The following CHODL variants were observed in gnomAD, a reference collection of about 807,000 sequenced individuals.
The protein encoded by CHODL is transmembrane protein MT75.
A neutral mutation model predicts 34.5 loss-of-function variants in CHODL; 29 were observed. The observed-to-expected ratio is 0.84, with a 90% CI of 0.63 to 1.15. CHODL has a LOEUF of 1.15. Ranked by LOEUF, CHODL falls within the 50% of genes most tolerant of loss-of-function variation. The pLI is 0.00. For missense variants in CHODL, 332 were observed against 332.5 expected (o/e 1.00, Z 0.01); for synonymous variants, 125 against 116.1 (o/e 1.08, Z -0.49).
chr21:18,248,687 TTATATACATATATATGTATATAA>T lies in CHODL; in HGVS notation c.79+3415_79+3437del, dbSNP rs1467752835. On this transcript the variant is annotated intron_variant, in intron 1 of 5. Coordinates refer to ENST00000299295, the MANE Select transcript of CHODL (RefSeq NM_024944.3). ...TATGTATAATACATATATGTATATA[TTATATACATATATATGTATATAA>T]TATATACATATATATGTATATAATA... Among the ~76,000 whole-genome samples the T allele has an allele frequency of 3.7e-3, 440 of 120,490 alleles. 2 individuals carry two copies. The highest frequency in any genetic ancestry group is 0.01 in the African/African-American group (291 of 27,960). 79.0% of individuals were successfully genotyped at this position (120,490 alleles called of 152,430 possible). A position where few individuals can be genotyped will look rare whatever the true frequency, so the allele number is the denominator to read the frequency against.
chr21:18,031,341 A>G lies in CHODL; in HGVS notation c.-45+3370A>G, dbSNP rs116939748. Among the ~76,000 whole-genome samples the G allele has an allele frequency of 7.3e-4, 111 of 152,196 alleles. 1 individual carries two copies. In the East Asian group the frequency reaches 0.02, roughly 28 times the overall value. ...ACTCTGAAAATACTTTTAATTGTTT[A>G]CTTAGTTAGCTGATTGGAACCTATA... On this transcript the variant is annotated intron_variant, in intron 2 of 6. Coordinates refer to the CHODL transcript ENST00000400127.
chr21:17,967,105 G>A (rs1414253227), intron 1 of CHODL, among the ~76,000 whole-genome samples: 1 of 151,974 alleles, frequency 6.6e-6, no homozygotes, highest in Non-Finnish European at 1.5e-5. Context: ...TGCTAGTCTC[G>A]AACTCTTGAC....
At chr21:17,992,984 A>G (rs1045438297) in intron 1 of CHODL, among the ~76,000 whole-genome samples, 1 of 152,040 alleles carries the variant, frequency 6.6e-6, no homozygotes, top group African/African-American at 2.4e-5. Context: ...AAATCATGTC[A>G]TCTGCAAAGA....
chr21:18,057,720 C>T (rs935744167), intron 2 of CHODL, among the ~76,000 whole-genome samples: 1 of 151,992 alleles, frequency 6.6e-6, no homozygotes, highest in East Asian at 1.9e-4. Flanking sequence ...CCCTGAAAGT[C>T]TGCCGCTGTA....
At chr21:18,031,570 C>G (rs976494971) in intron 2 of CHODL, among the ~76,000 whole-genome samples, 1 of 151,790 alleles carries the variant, frequency 6.6e-6, no homozygotes, top group Non-Finnish European at 1.5e-5. Context: ...ATTACATTTG[C>G]CATTGGAAAG....
intron 1 of CHODL, among the ~76,000 whole-genome samples, chr21:18,027,002 C>T (rs776639389): frequency 2.6e-5 from 4 of 152,002 alleles, no homozygotes; most frequent in African/African-American, 7.2e-5. Context: ...CCAGGCTGGG[C>T]GCAGTGGCTC....
At chr21:17,975,132 C>T (rs1209128419) in intron 1 of CHODL, among the ~76,000 whole-genome samples, 3 of 151,968 alleles carry the variant, frequency 2.0e-5, no homozygotes, top group Non-Finnish European at 4.4e-5. Flanking sequence ...TCAAGACGAG[C>T]CTGGCCAAGA....
At chr21:17,972,712 A>C (rs552417786) in intron 1 of CHODL, among the ~76,000 whole-genome samples, 36 of 152,340 alleles carry the variant, frequency 2.4e-4, no homozygotes, top group African/African-American at 8.7e-4. Context: ...AAATGTCCAT[A>C]CTACCCAAAG....
chr21:18,219,377 GGGGGTAAT>G, intron 2 of CHODL, among the ~76,000 whole-genome samples: 1 of 152,112 alleles, frequency 6.6e-6, no homozygotes, highest in East Asian at 1.9e-4. Flanking sequence ...ACAGCAACAT[GGGGGTAAT>G]TGCCCCCATG....
chr21:18,131,489 T>A (rs772759078), intron 2 of CHODL, among the ~76,000 whole-genome samples: 13 of 152,228 alleles, frequency 8.5e-5, no homozygotes, highest in Admixed American at 3.3e-4. Flanking sequence ...ATGTTGAAAG[T>A]TGACTTTGGG....
At chr21:18,100,004 C>T (rs1217843369) in intron 2 of CHODL, 2 of 151,784 alleles carry the variant, frequency 1.3e-5, no homozygotes, top group Non-Finnish European at 2.9e-5. Flanking sequence ...GAGTACTGTG[C>T]TAGACTGGAT....
intron 1 of CHODL, among the ~76,000 whole-genome samples, chr21:17,953,750 G>A (rs1003822446): frequency 2.6e-5 from 4 of 152,206 alleles, no homozygotes; most frequent in South Asian, 2.1e-4. Context: ...GGTGGCTCAC[G>A]CCTGTAATTC....
intron 2 of CHODL, among the ~76,000 whole-genome samples, chr21:18,182,262 C>T (rs1325559849): frequency 6.6e-6 from 1 of 152,134 alleles, no homozygotes; most frequent in African/African-American, 2.4e-5. Context: ...ATTTGAGGTT[C>T]AGACAATTTA....
chr21:18,156,865 G>C (rs1348663842), intron 2 of CHODL, among the ~76,000 whole-genome samples: 1 of 152,140 alleles, frequency 6.6e-6, no homozygotes, highest in African/African-American at 2.4e-5. Flanking sequence ...AGGGAAGTCT[G>C]GGTCCTAGTG....
chr21:18,159,266 G>A (rs1198209369), intron 2 of CHODL, among the ~76,000 whole-genome samples: 1 of 152,144 alleles, frequency 6.6e-6, no homozygotes, highest in Admixed American at 6.5e-5. Flanking sequence ...CTGGCATAAG[G>A]TAAGAAAACT....
chr21:18,087,300 A>G (rs748589311), intron 2 of CHODL, among the ~76,000 whole-genome samples: 1 of 152,168 alleles, frequency 6.6e-6, no homozygotes, highest in Non-Finnish European at 1.5e-5. Flanking sequence ...TGAGGTACTC[A>G]TAGGAGAGTC....
chr21:18,072,990 A>C lies in CHODL; in HGVS notation c.-45+45019A>C, dbSNP rs1307305367. The stretch of plus-strand genomic sequence containing the variant: ...TTTATATTTTGATACATAAAAGCTA[A>C]GCCTTTGGAAGGCTTCTTATCAATG... On this transcript the variant is annotated intron_variant, in intron 2 of 6. Transcript: ENST00000400127. Among the ~76,000 whole-genome samples the C allele has an allele frequency of 2.0e-5, 3 of 152,280 alleles. No homozygotes were observed. In the East Asian group the frequency reaches 5.8e-4, roughly 29 times the overall value.
chr21:18,098,588 G>A (rs1807390786), intron 2 of CHODL, among the ~76,000 whole-genome samples: 1 of 152,102 alleles, frequency 6.6e-6, no homozygotes, highest in African/African-American at 2.4e-5. Flanking sequence ...ATGCTGGTGA[G>A]AATGTGGAGA....
chr21:17,980,315 A>C (rs1414732260), intron 1 of CHODL, among the ~76,000 whole-genome samples: 2 of 152,260 alleles, frequency 1.3e-5, no homozygotes, highest in Admixed American at 6.5e-5. Flanking sequence ...AATTTCCTGA[A>C]ACAAACAATG....
Sources: allele counts gnomAD v4.1 joint callset (sites outside exome capture counted in the v4.1 genomes callset), GRCh38; gene constraint gnomAD v4.1.1; transcripts MANE v1.5; gene names NCBI Gene and HGNC (gene_info 2026-07-23, HGNC 2026-07-21).